RIMS1: variants seen among roughly 807,000 people sequenced by gnomAD.
RIMS1 encodes regulating synaptic membrane exocytosis protein 1.
A neutral mutation model predicts 214.1 loss-of-function variants in RIMS1; 83 were observed. The observed-to-expected ratio is 0.39, with a 90% CI of 0.32 to 0.47. The LOEUF (loss-of-function observed/expected upper bound fraction) is 0.47. RIMS1 is among the 20% of genes least tolerant of loss of function. RIMS1 has a pLI of 0.99. For missense variants in RIMS1, 2,050 were observed against 2,161.8 expected (o/e 0.95, Z 1.03); for synonymous variants, 793 against 786.8 (o/e 1.01, Z -0.13).
intron 29 of RIMS1, among the ~76,000 whole-genome samples, chr6:72,338,535 C>A (rs1237644139): frequency 6.6e-6 from 1 of 151,950 alleles, no homozygotes; most frequent in Non-Finnish European, 1.5e-5. Flanking sequence ...AACAGGCAAC[C>A]TACAGAATGG....
chr6:72,254,816 A>G (rs1021592574), intron 16 of RIMS1, among the ~76,000 whole-genome samples: 2 of 152,230 alleles, frequency 1.3e-5, no homozygotes, highest in South Asian at 2.1e-4. Context: ...TGAATTCTAA[A>G]TATACTTATA....
intron 6 of RIMS1, among the ~76,000 whole-genome samples, chr6:72,231,332 G>A (rs149210284): frequency 2.6e-4 from 40 of 151,556 alleles, no homozygotes; most frequent in African/African-American, 8.9e-4. Context: ...ATTTTAATGG[G>A]TAATGATGAA....
chr6:72,012,403 A>G (rs1331549175), intron 2 of RIMS1, among the ~76,000 whole-genome samples: 1 of 152,204 alleles, frequency 6.6e-6, no homozygotes, highest in Non-Finnish European at 1.5e-5. Context: ...TGGGTGCAGC[A>G]CACTAACATG....
Position 72,274,411 on chromosome 6 carries a change from A to T in RIMS1, c.3461A>T (p.His1154Leu). 6.2e-7 allele frequency: 1 copy of T among 1,613,342 alleles called. No individual in the cohort carries two copies. The highest frequency in any genetic ancestry group is 8.5e-7 in the Non-Finnish European group (1 of 1,179,434). Reference sequence around the variant, plus strand: ...CCTAGTCCCAGGATTCAAATCCAGCATGCGTCTCCGGAGAATGACAGGTAC... The same window carrying T: ...CCTAGTCCCAGGATTCAAATCCAGCTTGCGTCTCCGGAGAATGACAGGTAC... ...RPPSPRIQIQ[H>L]ASPENDRHSR... is the part of the protein sequence containing the mutation. The change falls in exon 23 of 34, where the codon CAT (histidine) becomes CTT (leucine). Residue 1154 changes from histidine to leucine, a missense_variant. Physicochemically the swap from His to Leu is moderately conservative, Grantham distance 99 (BLOSUM62 -3). Coordinates refer to ENST00000521978, the MANE Select transcript of RIMS1 (RefSeq NM_014989.7).
At chr6:72,128,692 G>T (rs768275130) in intron 4 of RIMS1, among the ~76,000 whole-genome samples, 1 of 152,260 alleles carries the variant, frequency 6.6e-6, no homozygotes, top group African/African-American at 2.4e-5. Flanking sequence ...TTAATATTTT[G>T]TCTGATTTGA....
intron 1 of RIMS1, among the ~76,000 whole-genome samples, chr6:71,903,084 A>C (rs1331573623): frequency 6.6e-6 from 1 of 152,172 alleles, no homozygotes; most frequent in Admixed American, 6.5e-5. Flanking sequence ...CTGAGTCTAT[A>C]TCTTTGAGGA....
intron 4 of RIMS1, among the ~76,000 whole-genome samples, chr6:72,121,528 C>T (rs1224057749): frequency 6.6e-6 from 1 of 151,906 alleles, no homozygotes; most frequent in African/African-American, 2.4e-5. Flanking sequence ...TCTGAAGTTG[C>T]TTATCAGCTT....
chr6:72,075,426 C>T (rs1489264863), intron 2 of RIMS1, among the ~76,000 whole-genome samples: 3 of 148,782 alleles, frequency 2.0e-5, no homozygotes, highest in Admixed American at 2.0e-4. Context: ...TATTTTCAGA[C>T]AGGAAAAGGG....
intron 1 of RIMS1, among the ~76,000 whole-genome samples, chr6:71,965,393 G>A (rs1794160592): frequency 6.6e-6 from 1 of 152,106 alleles, no homozygotes; most frequent in South Asian, 2.1e-4. Context: ...TTTCTTGAAG[G>A]CATTTAGAAT....
chr6:72,097,237 G>A (rs1190282663), intron 3 of RIMS1, 75 bp downstream of exon 3: 12 of 1,273,022 alleles, frequency 9.4e-6, no homozygotes, highest in Non-Finnish European at 1.4e-5. Flanking sequence ...ATGAGAACAC[G>A]TGCATCTTAG....
intron 4 of RIMS1, among the ~76,000 whole-genome samples, chr6:72,107,833 G>A (rs1311034131): frequency 6.6e-6 from 1 of 152,082 alleles, no homozygotes; most frequent in Non-Finnish European, 1.5e-5. Flanking sequence ...ATTAATAGTG[G>A]TAGCTGCAGT....
rs190577077 is a variant in RIMS1, at chr6:72,124,125, C to T, written c.471+24139C>T. On this transcript the variant is annotated intron_variant, in intron 4 of 33. Transcript: ENST00000521978. ...GTGGCTGGTCCCAGTTGTTCCTTTC[C>T]GTGTTTAGTGCTTCCTTCAGGAGCT... Among the ~76,000 whole-genome samples the T allele has an allele frequency of 1.6e-3, 250 of 151,862 alleles. 1 individual carries two copies. The highest frequency in any genetic ancestry group is 5.7e-3 in the African/African-American group (237 of 41,498).
chr6:72,128,114 C>T (rs1050480892), intron 4 of RIMS1, among the ~76,000 whole-genome samples: 2 of 152,164 alleles, frequency 1.3e-5, no homozygotes, highest in Admixed American at 6.5e-5. Context: ...TGAAGTTAGA[C>T]TACTCTTCCT....
rs185722361 is a variant in RIMS1 at position 71,909,666 on chromosome 6, G to A, written c.164+22479G>A. Among the ~76,000 whole-genome samples, 126 of 152,230 alleles carry A rather than the reference G, an allele frequency of 8.3e-4. 4 individuals are homozygous for A. Among genetic ancestry groups the A allele is most frequent in the Admixed American group, 8.1e-3 (124 of 15,296 alleles). On this transcript the variant is annotated intron_variant, in intron 1 of 33. Coordinates refer to ENST00000521978, the MANE Select transcript of RIMS1 (RefSeq NM_014989.7). ...AAATTAACAATAATTATGTGATTCT[G>A]TAACTTACTGCCAAGCCTATTAAAC...
chr6:71,998,389 C>T (rs572994269), intron 2 of RIMS1, among the ~76,000 whole-genome samples: 4 of 152,188 alleles, frequency 2.6e-5, no homozygotes, highest in East Asian at 1.9e-4. Flanking sequence ...CTGTTTCTCG[C>T]GCCTCTTCCT....
chr6:72,302,656 T>G (rs1053517566), intron 26 of RIMS1, among the ~76,000 whole-genome samples: 1 of 151,612 alleles, frequency 6.6e-6, no homozygotes, highest in Non-Finnish European at 1.5e-5. Context: ...GAGCTCTCAT[T>G]GTGTTGCTAT....
At chr6:72,073,017 T>C (rs1830937487) in intron 2 of RIMS1, among the ~76,000 whole-genome samples, 1 of 152,176 alleles carries the variant, frequency 6.6e-6, no homozygotes, top group Non-Finnish European at 1.5e-5. Flanking sequence ...TTTTACAAAT[T>C]TTGAGAGAGC....
At position 72,108,291 on chromosome 6, in the gene RIMS1, TG is replaced by T. The variant is rs566650447; in HGVS notation, c.471+8306del. Among the ~76,000 whole-genome samples, 14 of 152,246 alleles carry T rather than the reference TG, an allele frequency of 9.2e-5. 1 individual carries two copies. The South Asian group carries it at 2.9e-3, about 32-fold the overall frequency. ...GTATGTGGAGACTGGGGTTTTACCATGTTGCCCAGGCTGGTTTGGAACTTGT... is the reference window on the plus strand; with the variant it reads ...GTATGTGGAGACTGGGGTTTTACCATTTGCCCAGGCTGGTTTGGAACTTGT... On this transcript the variant is annotated intron_variant, in intron 4 of 33. Transcript: ENST00000521978.
At chr6:72,319,961 A>G (rs2096056386) in intron 28 of RIMS1, among the ~76,000 whole-genome samples, 1 of 152,174 alleles carries the variant, frequency 6.6e-6, no homozygotes, top group African/African-American at 2.4e-5. Flanking sequence ...CAGTTACTGC[A>G]TACATGGTAT....
Sources: allele counts gnomAD v4.1 joint callset (sites outside exome capture counted in the v4.1 genomes callset), GRCh38; gene constraint gnomAD v4.1.1; transcripts MANE v1.5; gene names NCBI Gene and HGNC (gene_info 2026-07-23, HGNC 2026-07-21).